Variants in ARHGAP21 observed in about 807,000 individuals in gnomAD.
The protein encoded by ARHGAP21 is rho GTPase-activating protein 21.
ARHGAP21 carries 38 observed loss-of-function variants against 164.6 expected under a neutral mutation model. The ratio of observed to expected loss-of-function variants is 0.23; its 90% CI spans 0.18 to 0.30. The LOEUF (loss-of-function observed/expected upper bound fraction) is 0.30, where lower values mean the gene tolerates loss of function less well. Among genes scored for constraint, ARHGAP21 ranks in the 10% least tolerant of loss-of-function variants. The pLI, the probability that ARHGAP21 is intolerant of heterozygous loss-of-function variation, is 1.00. For synonymous variants in ARHGAP21, 766 were observed against 857.9 expected (o/e 0.89, Z 1.87); for missense variants, 1,822 against 2,370.7 (o/e 0.77, Z 4.81).
chr10:24,600,769 G>C lies in ARHGAP21; in HGVS notation c.3009C>G (p.Thr1003=), dbSNP rs758587909. ...TGAGTCGAAACACATTTTTCCTCTT[G>C]GTCTCACTGTAAGAGATGTCTATCA... ...ACLIDISYSE[T]KRKNVFRLTT... is the part of the protein sequence containing the mutation. Residue 1003 remains threonine (T), a synonymous_variant, in exon 14 of 26, where the codon ACC becomes ACG. Transcript: ENST00000396432. 3 of 1,613,872 alleles carry C rather than the reference G, an allele frequency of 1.9e-6. No individual in the cohort carries two copies. Among genetic ancestry groups the C allele is most frequent in the African/African-American group, 2.7e-5 (2 of 74,972 alleles).
intron 17 of ARHGAP21, chr10:24,596,384 T>C: frequency 2.2e-6 from 1 of 453,116 alleles, no homozygotes; most frequent in Non-Finnish European, 3.8e-6. Context: ...ATACGAATCC[T>C]AGCATGGGTG....
intron 2 of ARHGAP21, among the ~76,000 whole-genome samples, chr10:24,719,989 T>G (rs113909184): frequency 0.013 from 2,019 of 152,296 alleles, 36 homozygotes; most frequent in African/African-American, 0.046. Flanking sequence ...AATATTGTAG[T>G]TTAATACCAA....
At chr10:24,690,883 AAC>A (rs985376618) in intron 2 of ARHGAP21, among the ~76,000 whole-genome samples, 1 of 151,026 alleles carries the variant, frequency 6.6e-6, no homozygotes, top group African/African-American at 2.4e-5. Context: ...CACACACATA[AAC>A]ACACACATAC....
intron 2 of ARHGAP21, among the ~76,000 whole-genome samples, chr10:24,702,636 G>A (rs906512552): frequency 2.6e-5 from 4 of 151,810 alleles, no homozygotes; most frequent in Non-Finnish European, 5.9e-5. Context: ...ACCCAGGCTG[G>A]AGTGCAGTGG....
chr10:24,723,135 G>A (rs1846097038), intron 1 of ARHGAP21: 1 of 151,496 alleles, frequency 6.6e-6, no homozygotes, highest in Non-Finnish European at 1.5e-5. Flanking sequence ...GCCCCGGGGC[G>A]AGACAAAACC....
At chr10:24,587,849 CTGTT>C (rs777619189) in intron 25 of ARHGAP21, among the ~76,000 whole-genome samples, 1 of 152,114 alleles carries the variant, frequency 6.6e-6, no homozygotes, top group African/African-American at 2.4e-5. Flanking sequence ...TCTACAGAGA[CTGTT>C]TGTTAGAAGT....
chr10:24,684,872 CA>C (rs1289700466), intron 2 of ARHGAP21, among the ~76,000 whole-genome samples: 1 of 152,210 alleles, frequency 6.6e-6, no homozygotes, highest in Non-Finnish European at 1.5e-5. Flanking sequence ...CTCCTGATAT[CA>C]GGTGATCCGC....
intron 5 of ARHGAP21, among the ~76,000 whole-genome samples, chr10:24,634,336 G>A (rs1836158618): frequency 6.6e-6 from 1 of 152,024 alleles, no homozygotes; most frequent in Admixed American, 6.6e-5. Flanking sequence ...TGAAAATATA[G>A]CATTGTATTT....
chr10:24,584,596 C>A lies in ARHGAP21; in HGVS notation c.5693G>T (p.Ser1898Ile), dbSNP rs755127973. The A allele has an allele frequency of 8.7e-6, 14 of 1,613,802 alleles. No homozygotes were observed. The highest frequency in any genetic ancestry group is 1.1e-5 in the Non-Finnish European group (13 of 1,179,874). Reference sequence around the variant, plus strand: ...TGTTGAAGCCAAGGTGCTGGAAGAACTGCCTGTGTTGCAATGAAGAGACAA... The same window carrying A: ...TGTTGAAGCCAAGGTGCTGGAAGAAATGCCTGTGTTGCAATGAAGAGACAA... ...TPLSLHCNTG[S>I]SSSTLASTNR... The change falls in exon 26 of 26, where the codon AGT becomes ATT. Residue 1898 changes from serine (S) to isoleucine (I), a missense_variant. By Grantham distance (142) the Ser-to-Ile change is moderately radical. Around this residue, in one of 5 missense-constraint regions of ARHGAP21, gnomAD observed 165 missense variants for 176.6 expected, o/e 0.93. Transcript: ENST00000396432.
intron 4 of ARHGAP21, among the ~76,000 whole-genome samples, chr10:24,665,094 G>A (rs1840066014): frequency 6.6e-6 from 1 of 152,162 alleles, no homozygotes; most frequent in African/African-American, 2.4e-5. Flanking sequence ...GGAAGATGGA[G>A]TACCTACATC....
intron 2 of ARHGAP21, among the ~76,000 whole-genome samples, chr10:24,689,314 T>C (rs1842493619): frequency 6.6e-6 from 1 of 152,204 alleles, no homozygotes. Flanking sequence ...ATAATGTATG[T>C]TCACTTAGGA....
At chr10:24,604,914 A>G (rs942799889) in intron 11 of ARHGAP21, among the ~76,000 whole-genome samples, 5 of 152,236 alleles carry the variant, frequency 3.3e-5, no homozygotes, top group African/African-American at 1.2e-4. Flanking sequence ...TTAGAGCTTC[A>G]GGAGACAGGT....
intron 16 of ARHGAP21, 26 bp from the exon 17 acceptor site, chr10:24,596,908 C>G (rs926852691): frequency 1.9e-6 from 3 of 1,581,934 alleles, no homozygotes; most frequent in Non-Finnish European, 2.6e-6. Context: ...CAAAATAAAA[C>G]AACATAATAA....
chr10:24,688,173 C>T (rs950740698), intron 2 of ARHGAP21, among the ~76,000 whole-genome samples: 1 of 152,128 alleles, frequency 6.6e-6, no homozygotes, highest in African/African-American at 2.4e-5. Flanking sequence ...GGTGGATCAC[C>T]TGAGGTCAGA....
chr10:24,587,572 A>AT (rs1282895416), intron 25 of ARHGAP21, among the ~76,000 whole-genome samples: 8 of 152,248 alleles, frequency 5.3e-5, no homozygotes, highest in Admixed American at 2.6e-4. Context: ...AAAGACTTTC[A>AT]TAATTATCCA....
Position 24,595,165 on chromosome 10 carries a change from G to A in ARHGAP21, c.3738C>T (p.Ala1246=). The change falls in exon 20 of 26, where the codon GCC becomes GCT. Residue 1246 remains alanine (A), a synonymous_variant. Transcript: ENST00000396432. ...GATCTAGAGGATCTTCTTTACGATT[G>A]GCTTCAATAAAATCAGCATATTTAT... ...TNDKYADFIE[A]NRKEDPLDRL... is the part of the protein sequence containing the mutation. 1.2e-6 allele frequency: 2 copies of A among 1,611,076 alleles called. No homozygotes were observed. Among genetic ancestry groups the A allele is most frequent in the African/African-American group, 1.3e-5 (1 of 74,890 alleles).
At chr10:24,653,169 C>T (rs1442393797) in intron 4 of ARHGAP21, among the ~76,000 whole-genome samples, 1 of 152,194 alleles carries the variant, frequency 6.6e-6, no homozygotes, top group Non-Finnish European at 1.5e-5. Flanking sequence ...ACTACCATAA[C>T]CATGATATGG....
At chr10:24,604,121 G>T (rs994567180) in intron 12 of ARHGAP21, among the ~76,000 whole-genome samples, 191 bp downstream of exon 12, 1 of 152,088 alleles carries the variant, frequency 6.6e-6, no homozygotes, top group Non-Finnish European at 1.5e-5. Context: ...ATACAAAAAG[G>T]GCTGCTGGGC....
At chr10:24,666,785 T>C (rs1840237950) in intron 4 of ARHGAP21, among the ~76,000 whole-genome samples, 200 bp downstream of exon 4, 1 of 152,144 alleles carries the variant, frequency 6.6e-6, no homozygotes, top group Non-Finnish European at 1.5e-5. Context: ...CCATTACATG[T>C]TCAAATTAAG....
Sources: gnomAD v4.1 joint callset for allele counts (sites outside exome capture counted in the v4.1 genomes callset) on GRCh38, gnomAD v4.1.1 for gene constraint, gnomAD v4.1.1 regional missense constraint, MANE v1.5 for transcripts, NCBI Gene and HGNC (gene_info 2026-07-23, HGNC 2026-07-21) for gene names.